The following DPYD variants were observed in gnomAD, a reference collection of about 807,000 sequenced individuals.
The protein encoded by DPYD is dihydropyrimidine dehydrogenase, also known as dihydropyrimidine dehydrogenase [NADP(+)].
In DPYD, 109 loss-of-function variants were observed where a neutral mutation model predicts 116.2. The observed-to-expected ratio is 0.94, with a 90% CI of 0.80 to 1.10. The LOEUF is 1.10. DPYD is among the 50% of genes least tolerant of loss of function. The pLI is 0.00. For synonymous variants in DPYD, 440 were observed against 432.0 expected, an observed-to-expected ratio of 1.02 and a Z score of -0.23; for missense variants, 1,302 against 1,254.5, an observed-to-expected ratio of 1.04 and a Z score of -0.57.
Position 97,400,532 on chromosome 1 carries a change from T to A in DPYD, c.1906-18071A>T, listed in dbSNP as rs571128878. Among the ~76,000 whole-genome samples the A allele has an allele frequency of 4.6e-5, 7 of 152,322 alleles. No individual in the cohort carries two copies. In the South Asian group the frequency reaches 1.2e-3, roughly 27 times the overall value. ...TAGTTTCAGAAGGAATAGTACCAGC[T>A]CCTTCTTGCACCTCTGGTAGAATTC... On this transcript the variant is annotated intron_variant, in intron 14 of 22. Transcript: ENST00000370192.
At chr1:97,225,544 A>G (rs10875056) in intron 19 of DPYD, among the ~76,000 whole-genome samples, 1 of 146,878 alleles carries the variant, frequency 6.8e-6, no homozygotes, top group Non-Finnish European at 1.5e-5. Flanking sequence ...TGAGTAAAAA[A>G]TTTTGAAATC....
At chr1:97,755,542 G>A (rs1665181561) in intron 3 of DPYD, among the ~76,000 whole-genome samples, 2 of 152,104 alleles carry the variant, frequency 1.3e-5, no homozygotes, top group South Asian at 4.2e-4. Flanking sequence ...CTGCTTCACA[G>A]AGCTCTCTGC....
chr1:97,334,949 G>A (rs78514730), intron 16 of DPYD, among the ~76,000 whole-genome samples: 1 of 152,172 alleles, frequency 6.6e-6, no homozygotes, highest in African/African-American at 2.4e-5. Context: ...AGCACTGTGT[G>A]TAAGTGTGTT....
chr1:97,545,272 CCTAA>C (rs1236748994), intron 12 of DPYD, among the ~76,000 whole-genome samples: 2 of 152,220 alleles, frequency 1.3e-5, no homozygotes, highest in East Asian at 1.9e-4. Context: ...TCTAGCCTTT[CCTAA>C]CTTTTTCATA....
At position 97,740,452 on chromosome 1, in the gene DPYD, A is replaced by G. The variant is rs1056815262; in HGVS notation, c.261T>C (p.Cys87=). The change falls in exon 4 of 23, where the codon TGT becomes TGC. Residue 87 remains cysteine (C), a synonymous_variant. Transcript: ENST00000370192. The part of the protein sequence containing the change: ...MRCLKCADAP[C]QKSCPTNLDI... ...CAAGATTAGTTGGACAGCTCTTCTG[A>G]CACGGGGCATCTGCACATTTCAGGC... 35 of 1,613,076 alleles carry G rather than the reference A, an allele frequency of 2.2e-5. No individual in the cohort carries two copies. The highest frequency in any genetic ancestry group is 2.9e-5 in the Non-Finnish European group (34 of 1,179,502).
chr1:97,373,016 T>C (rs1671385236), intron 16 of DPYD, among the ~76,000 whole-genome samples: 1 of 152,246 alleles, frequency 6.6e-6, no homozygotes, highest in African/African-American at 2.4e-5. Flanking sequence ...TTATTTCACA[T>C]TTTGTTCATT....
chr1:97,886,828 A>G (rs1672516118), intron 1 of DPYD, among the ~76,000 whole-genome samples: 1 of 152,082 alleles, frequency 6.6e-6, no homozygotes, highest in Non-Finnish European at 1.5e-5. Flanking sequence ...CAGGTAGTTC[A>G]TAAGGGAAAC....
chr1:97,311,773 T>C (rs1351188257), intron 16 of DPYD, among the ~76,000 whole-genome samples: 1 of 151,794 alleles, frequency 6.6e-6, no homozygotes, highest in African/African-American at 2.4e-5. Flanking sequence ...TAGAGCTATA[T>C]ACAATGATAA....
At chr1:97,109,796 C>CTATG (rs1298292754) in intron 20 of DPYD, among the ~76,000 whole-genome samples, 1 of 151,806 alleles carries the variant, frequency 6.6e-6, no homozygotes, top group African/African-American at 2.4e-5. Context: ...TTTAGTAGTT[C>CTATG]TATGCTAAGC....
intron 19 of DPYD, among the ~76,000 whole-genome samples, chr1:97,203,651 G>A: frequency 8.5e-6 from 1 of 117,628 alleles, no homozygotes; most frequent in African/African-American, 3.3e-5. Context: ...AATAATAAAG[G>A]ATGAGTTCAG....
intron 20 of DPYD, among the ~76,000 whole-genome samples, chr1:97,184,898 G>T (rs893126051): frequency 6.6e-6 from 1 of 152,002 alleles, no homozygotes; most frequent in Non-Finnish European, 1.5e-5. Context: ...TTATTGCGCT[G>T]GTTAGGACTT....
intron 18 of DPYD, among the ~76,000 whole-genome samples, chr1:97,253,549 C>T (rs1338123315): frequency 2.0e-5 from 3 of 152,086 alleles, no homozygotes; most frequent in African/African-American, 7.2e-5. Context: ...TGGCATCGTT[C>T]CCTTGTGCCA....
At chr1:97,197,669 G>C (rs1281652248) in intron 19 of DPYD, among the ~76,000 whole-genome samples, 2 of 152,114 alleles carry the variant, frequency 1.3e-5, no homozygotes, top group Non-Finnish European at 2.9e-5. Flanking sequence ...ATGTAGACTT[G>C]GGATCTTTTA....
At chr1:97,783,086 T>C (rs1666844803) in intron 3 of DPYD, among the ~76,000 whole-genome samples, 1 of 152,250 alleles carries the variant, frequency 6.6e-6, no homozygotes, top group Non-Finnish European at 1.5e-5. Flanking sequence ...CCTTTCTATT[T>C]CTTACAGAGC....
chr1:97,290,153 A>T (rs1213171197), intron 18 of DPYD, among the ~76,000 whole-genome samples: 2 of 152,212 alleles, frequency 1.3e-5, no homozygotes, highest in African/African-American at 4.8e-5. Flanking sequence ...GACCTCTTCA[A>T]GGAGAACTAC....
intron 8 of DPYD, among the ~76,000 whole-genome samples, chr1:97,648,367 C>T (rs776228006): frequency 6.6e-5 from 10 of 151,884 alleles, no homozygotes; most frequent in Non-Finnish European, 1.5e-4. Flanking sequence ...TCAGGTAGAC[C>T]GTGTTACTTA....
intron 8 of DPYD, among the ~76,000 whole-genome samples, chr1:97,667,263 G>C (rs565144965): frequency 1.3e-5 from 2 of 151,988 alleles, no homozygotes; most frequent in African/African-American, 4.8e-5. Flanking sequence ...ATTCAAAACT[G>C]GTCTTCATGC....
intron 14 of DPYD, among the ~76,000 whole-genome samples, chr1:97,387,478 T>C (rs1433162671): frequency 6.6e-6 from 1 of 152,060 alleles, no homozygotes; most frequent in East Asian, 1.9e-4. Context: ...AATGTCATAA[T>C]GAGTTAAAAA....
intron 21 of DPYD, among the ~76,000 whole-genome samples, chr1:97,097,250 C>T (rs1570448550): frequency 1.3e-5 from 2 of 152,138 alleles, no homozygotes; most frequent in African/African-American, 4.8e-5. Context: ...TCCCTTTGCC[C>T]TTTCGGAACT....
Sources: gnomAD v4.1 joint callset for allele counts (sites outside exome capture counted in the v4.1 genomes callset) on GRCh38, gnomAD v4.1.1 for gene constraint, MANE v1.5 for transcripts, NCBI Gene and HGNC (gene_info 2026-07-23, HGNC 2026-07-21) for gene names.